RUNX1: variants seen among roughly 807,000 people sequenced by gnomAD.
The protein encoded by RUNX1 is runt-related transcription factor 1.
Under a neutral mutation model 42.8 loss-of-function variants are expected in RUNX1, and 19 were observed. That is an observed-to-expected ratio of 0.44 (90% CI 0.31 to 0.65). The LOEUF is 0.65. Among genes scored for constraint, RUNX1 ranks in the 30% least tolerant of loss-of-function variants. RUNX1 has a pLI of 0.07. For synonymous variants in RUNX1, 271 were observed against 289.4 expected (o/e 0.94, Z 0.64); for missense variants, 528 against 672.0 (o/e 0.79, Z 2.37).
At position 34,834,451 on chromosome 21, in the gene RUNX1, T is replaced by C. The variant is rs746977462; in HGVS notation, c.764A>G (p.His255Arg). ...AGGCTGAGGGTTAAAGGCAGTGGAG[T>C]GGTTCAGGGAGGCACGAGGGTTGGG... ...PTPNPRASLN[H>R]STAFNPQPQS... is the part of the protein sequence containing the mutation. Residue 255 changes from histidine to arginine, a missense_variant, in exon 7 of 9, where the codon CAC becomes CGC. This residue lies in a region of RUNX1 where 331 missense variants were observed against 382.5 expected (regional missense o/e 0.87). Coordinates refer to ENST00000675419, the MANE Select transcript of RUNX1 (RefSeq NM_001754.5). 6 of 1,607,688 alleles carry C rather than the reference T, an allele frequency of 3.7e-6. No homozygotes were observed. In the East Asian group the frequency reaches 1.3e-4, roughly 36 times the overall value.
intron 2 of RUNX1, among the ~76,000 whole-genome samples, chr21:34,924,549 G>T (rs556673598): frequency 6.6e-6 from 1 of 152,276 alleles, no homozygotes; most frequent in East Asian, 1.9e-4. Flanking sequence ...GCACAGTCAT[G>T]GTGGTACAAA....
chr21:34,984,501 G>A lies in RUNX1; in HGVS notation c.58+64341C>T, dbSNP rs79562543. Among the ~76,000 whole-genome samples, 10 of 152,266 alleles carry A rather than the reference G, an allele frequency of 6.6e-5. No individual in the cohort carries two copies. The East Asian group carries it at 9.7e-4, about 15-fold the overall frequency. On this transcript the variant is annotated intron_variant, in intron 2 of 8. Coordinates refer to ENST00000675419, the MANE Select transcript of RUNX1 (RefSeq NM_001754.5). ...TGCAATAGCTACGGCTCTTTGGTGC[G>A]CTGTGGAGGAAAAATGGTTTGAGAT...
At chr21:34,931,916 G>C (rs767863368) in intron 2 of RUNX1, among the ~76,000 whole-genome samples, 1 of 152,120 alleles carries the variant, frequency 6.6e-6, no homozygotes, top group Non-Finnish European at 1.5e-5. Context: ...AGGCAGTGGG[G>C]AGTGGAAGAG....
chr21:34,933,056 C>CA (rs2058459732), intron 2 of RUNX1, among the ~76,000 whole-genome samples: 1 of 152,178 alleles, frequency 6.6e-6, no homozygotes, highest in African/African-American at 2.4e-5. Context: ...AGAGTTTGCA[C>CA]AAAAATTGTG....
intron 2 of RUNX1, among the ~76,000 whole-genome samples, chr21:34,930,423 A>G (rs916432263): frequency 1.6e-4 from 25 of 151,580 alleles, no homozygotes; most frequent in Non-Finnish European, 3.4e-4. Context: ...CCCAACTCTG[A>G]TTGATTAGAA....
chr21:34,994,883 C>A (rs1384630120), intron 2 of RUNX1, among the ~76,000 whole-genome samples: 1 of 152,216 alleles, frequency 6.6e-6, no homozygotes, highest in African/African-American at 2.4e-5. Flanking sequence ...TTCCCGTACA[C>A]CCTCAGAGAC....
chr21:34,906,691 A>T (rs116411701), intron 2 of RUNX1, among the ~76,000 whole-genome samples: 4 of 152,334 alleles, frequency 2.6e-5, no homozygotes, highest in African/African-American at 9.6e-5. Context: ...TTCTCATTGA[A>T]TAAGTTTCAT....
intron 2 of RUNX1, among the ~76,000 whole-genome samples, chr21:35,047,457 G>A (rs958354536): frequency 6.7e-6 from 1 of 149,978 alleles, no homozygotes; most frequent in South Asian, 2.1e-4. Context: ...TGAAACTTGA[G>A]CTTGGTTAAT....
intron 2 of RUNX1, among the ~76,000 whole-genome samples, chr21:34,906,266 G>T (rs1233070443): frequency 1.3e-5 from 2 of 152,146 alleles, no homozygotes; most frequent in East Asian, 3.8e-4. Flanking sequence ...CAGGTTTGGG[G>T]GTTTAAGAAA....
intron 7 of RUNX1, among the ~76,000 whole-genome samples, chr21:34,809,837 A>C (rs1038134920): frequency 1.1e-4 from 16 of 152,332 alleles, no homozygotes; most frequent in Admixed American, 7.8e-4. Context: ...AAGAAAAAAA[A>C]AGAAGTGACT....
intron 2 of RUNX1, among the ~76,000 whole-genome samples, chr21:34,930,270 G>GTGTGTGTATATATATATATA (rs372412304): frequency 5.8e-4 from 71 of 122,868 alleles, no homozygotes; most frequent in African/African-American, 1.4e-3. Context: ...GTGTGTGTAT[G>GTGTGTGTATATATATATATA]TATATATATA....
At chr21:34,840,340 T>A (rs1475415379) in intron 6 of RUNX1, among the ~76,000 whole-genome samples, 1 of 152,218 alleles carries the variant, frequency 6.6e-6, no homozygotes, top group East Asian at 1.9e-4. Context: ...GAAACGTGAA[T>A]GCTAGAGTAG....
intron 2 of RUNX1, among the ~76,000 whole-genome samples, chr21:34,982,656 G>A (rs548720780): frequency 1.1e-4 from 16 of 152,154 alleles, no homozygotes; most frequent in South Asian, 1.0e-3. Context: ...TGCAATCTCC[G>A]CCACCCGGGT....
At chr21:34,795,928 T>A (rs2056521182) in intron 8 of RUNX1, among the ~76,000 whole-genome samples, 1 of 152,248 alleles carries the variant, frequency 6.6e-6, no homozygotes, top group African/African-American at 2.4e-5. Flanking sequence ...TAAATGACTC[T>A]GCCCATTATT....
At position 34,794,572 on chromosome 21, in the gene RUNX1, C is replaced by T. The variant is rs558946719; in HGVS notation, c.968-1962G>A. Among the ~76,000 whole-genome samples, 4 of 152,336 alleles carry T rather than the reference C, an allele frequency of 2.6e-5. No homozygotes were observed. The South Asian group carries it at 8.3e-4, about 32-fold the overall frequency. On this transcript the variant is annotated intron_variant, in intron 8 of 8. Coordinates refer to ENST00000675419, the MANE Select transcript of RUNX1 (RefSeq NM_001754.5). ...GTCTCTAAAACTCACTTTGTTACGA[C>T]TGTACATTATTTTGTTAGGATTATG... is the stretch of plus-strand genomic sequence containing the variant.
intron 5 of RUNX1, among the ~76,000 whole-genome samples, chr21:34,865,746 C>T (rs918133538): frequency 1.3e-5 from 2 of 152,172 alleles, no homozygotes; most frequent in South Asian, 2.1e-4. Flanking sequence ...CATGGCCCAG[C>T]GCACTCTCCA....
intron 2 of RUNX1, among the ~76,000 whole-genome samples, chr21:34,971,228 A>C (rs180947549): frequency 8.2e-4 from 125 of 152,348 alleles, no homozygotes; most frequent in African/African-American, 2.8e-3. Flanking sequence ...TTATCAAAGA[A>C]GATTTTATGA....
At chr21:34,888,669 G>T in intron 3 of RUNX1, 1 of 1,045,106 alleles carries the variant, frequency 9.6e-7, no homozygotes. Flanking sequence ...CGCCCGTCCC[G>T]CCCGCGCCCG....
intron 2 of RUNX1, among the ~76,000 whole-genome samples, chr21:34,995,815 T>C (rs1194280168): frequency 3.9e-5 from 6 of 152,220 alleles, no homozygotes; most frequent in South Asian, 2.1e-4. Context: ...ATGGAGTTTA[T>C]AGAAAAGGCT....
Sources: gnomAD v4.1 joint callset for allele counts (sites outside exome capture counted in the v4.1 genomes callset) on GRCh38, gnomAD v4.1.1 for gene constraint, gnomAD v4.1.1 regional missense constraint, MANE v1.5 for transcripts, NCBI Gene and HGNC (gene_info 2026-07-23, HGNC 2026-07-21) for gene names.